RNF44: variants seen among roughly 807,000 people sequenced by gnomAD.
The protein encoded by RNF44 is ring finger protein 44.
A neutral mutation model predicts 53.6 loss-of-function variants in RNF44; 25 were observed. That is an observed-to-expected ratio of 0.47 (90% CI 0.34 to 0.65). The LOEUF is 0.65. RNF44 is among the 30% of genes least tolerant of loss of function. The pLI is 0.01. For synonymous variants in RNF44, 282 were observed against 252.2 expected (o/e 1.12, Z -1.12); for missense variants, 581 against 595.5 (o/e 0.98, Z 0.25).
chr5:176,543,287 C>G, the RNF44 span, among the ~76,000 whole-genome samples: 1 of 146,538 alleles, frequency 6.8e-6, no homozygotes, highest in Non-Finnish European at 1.5e-5. This position sits in a 1 kb window ranked among gnomAD's most constrained non-coding sequence, Gnocchi z 4.0. Context: ...GCTCCACCCC[C>G]ACCCGGCGGC....
intron 8 of RNF44, 26 bp downstream of exon 8, chr5:176,529,705 C>T: frequency 6.2e-7 from 1 of 1,610,622 alleles, no homozygotes; most frequent in Non-Finnish European, 8.5e-7. Flanking sequence ...CCAAACCCCA[C>T]CTCCCAGCAT....
At position 176,531,716 on chromosome 5, in the gene RNF44, A is replaced by G; in HGVS notation, c.298-86T>C. ...CAGGAGAAATCATCCTGCCACATCC[A>G]GCTGCCGGCTCCCTTCCCTTCTCCA... On this transcript the variant is annotated intron_variant, in intron 3 of 10. Coordinates refer to ENST00000274811, the MANE Select transcript of RNF44 (RefSeq NM_014901.5). This position sits in a 1 kb window ranked among gnomAD's most constrained non-coding sequence, Gnocchi z 4.2. The G allele has an allele frequency of 7.3e-7, 1 of 1,369,370 alleles. No homozygotes were observed. Among genetic ancestry groups the G allele is most frequent in the South Asian group, 1.4e-5 (1 of 71,830 alleles). The allele number at this position is 1,369,370 out of a possible 1,614,324, so 84.8% of individuals were successfully genotyped here. A position where few individuals can be genotyped will look rare whatever the true frequency, so the allele number is the denominator to read the frequency against.
chr5:176,531,916 G>A lies in RNF44; in HGVS notation c.297+88C>T. The A allele has an allele frequency of 1.4e-6, 2 of 1,384,782 alleles. No individual in the cohort carries two copies. The highest frequency in any genetic ancestry group is 2.4e-5 in the East Asian group (1 of 42,430). 85.8% of individuals were successfully genotyped at this position (1,384,782 alleles called of 1,614,324 possible). Reference sequence around the variant, plus strand: ...ATGCCTCCCTGGAACGTGAAATGAAGCAAGCTAGGTGAAATCTAGGCCTTG... The same window carrying A: ...ATGCCTCCCTGGAACGTGAAATGAAACAAGCTAGGTGAAATCTAGGCCTTG... On this transcript the variant is annotated intron_variant, in intron 3 of 10. Coordinates refer to ENST00000274811, the MANE Select transcript of RNF44 (RefSeq NM_014901.5). This position sits in a 1 kb window ranked among gnomAD's most constrained non-coding sequence, Gnocchi z 4.2.
At position 176,528,718 on chromosome 5, in the gene RNF44, C is replaced by T. The variant is rs1000654022; in HGVS notation, c.*310G>A. The T allele has an allele frequency of 1.5e-5, 7 of 463,510 alleles. No individual in the cohort carries two copies. The highest frequency in any genetic ancestry group is 2.3e-5 in the Non-Finnish European group (6 of 257,518). The allele number at this position is 463,510 out of a possible 1,614,324, so 28.7% of individuals were successfully genotyped here. A position where few individuals can be genotyped will look rare whatever the true frequency, so the allele number is the denominator to read the frequency against. Reference sequence around the variant, plus strand: ...CCGGCCCCACTGAGGGAGCGGACCCCTGGCACTCAGTGCCAGCAGGAAAAG... The same window carrying T: ...CCGGCCCCACTGAGGGAGCGGACCCTTGGCACTCAGTGCCAGCAGGAAAAG... On this transcript the variant is annotated 3_prime_UTR_variant, in exon 11 of 11. Transcript: ENST00000274811.
chr5:176,532,243 C>A, intron 2 of RNF44, 50 bp from the exon 3 acceptor site: 1 of 1,498,526 alleles, frequency 6.7e-7, no homozygotes. Context: ...GCCACTCGTG[C>A]ACAGAGCAGG....
upstream of RNF44, among the ~76,000 whole-genome samples, chr5:176,538,914 C>T (rs1225768560): frequency 6.6e-6 from 1 of 152,134 alleles, no homozygotes; most frequent in Non-Finnish European, 1.5e-5. Flanking sequence ...GAAGTTGGGT[C>T]AGTAGGATAG....
Position 176,531,972 on chromosome 5 carries a change from G to GC in RNF44, c.297+31dup, listed in dbSNP as rs1166390827. On this transcript the variant is annotated intron_variant, in intron 3 of 10. Coordinates refer to ENST00000274811, the MANE Select transcript of RNF44 (RefSeq NM_014901.5). The surrounding 1 kb of genome is among the most constrained non-coding windows in gnomAD (Gnocchi z 4.2). The stretch of plus-strand genomic sequence containing the variant: ...TCTGCCTCTCAGACTGGCTCACAGG[G>GC]CCAGGGGCACAGGGGATGGGGTTCT... 6.3e-7 allele frequency: 1 copy of GC among 1,578,972 alleles called. No individual in the cohort carries two copies. Among genetic ancestry groups the GC allele is most frequent in the African/African-American group, 1.4e-5 (1 of 73,600 alleles).
chr5:176,536,604 G>A (rs929323573), intron 1 of RNF44, among the ~76,000 whole-genome samples: 2 of 152,212 alleles, frequency 1.3e-5, no homozygotes, highest in African/African-American at 2.4e-5. Flanking sequence ...GCAGCGCAGG[G>A]GCCAGAACGC....
intron 5 of RNF44, 28 bp from the exon 6 acceptor site, chr5:176,530,771 G>T: frequency 6.6e-7 from 1 of 1,508,584 alleles, no homozygotes; most frequent in Non-Finnish European, 8.8e-7. Flanking sequence ...GGGTCAGCAA[G>T]TCAGTGAGAC....
At chr5:176,540,951 G>C (rs952852603), upstream of RNF44, among the ~76,000 whole-genome samples, 25 of 152,202 alleles carry the variant, frequency 1.6e-4, no homozygotes, top group African/African-American at 6.0e-4. Flanking sequence ...CCTCCTCAGG[G>C]TCACTGATGG....
upstream of RNF44, among the ~76,000 whole-genome samples, chr5:176,540,941 C>T (rs554171404): frequency 3.9e-5 from 6 of 152,338 alleles, no homozygotes; most frequent in South Asian, 4.1e-4. Context: ...TCTTCGAATC[C>T]CTCCTCAGGG....
In RNF44 at chr5:176,531,809, C is replaced by A; in HGVS notation, c.298-179G>T. On this transcript the variant is annotated intron_variant, in intron 3 of 10. Coordinates refer to ENST00000274811, the MANE Select transcript of RNF44 (RefSeq NM_014901.5). The surrounding 1 kb of genome is among the most constrained non-coding windows in gnomAD (Gnocchi z 4.2). ...CAGGCCCCCGGGGCAGAGAAAGCCC[C>A]GTGGGAATCTAGCTCTGCTAGTCAC... The A allele has an allele frequency of 1.2e-6, 1 of 864,226 alleles. No individual in the cohort carries two copies. Among genetic ancestry groups the A allele is most frequent in the Non-Finnish European group, 1.7e-6 (1 of 573,226 alleles). The allele number at this position is 864,226 out of a possible 1,614,324, so 53.5% of individuals were successfully genotyped here.
intron 1 of RNF44, among the ~76,000 whole-genome samples, chr5:176,535,549 C>CCA (rs1398789287): frequency 1.4e-4 from 21 of 152,142 alleles, no homozygotes; most frequent in Non-Finnish European, 4.4e-5. Flanking sequence ...TTACTCTAGG[C>CCA]CACAAGACCA....
At position 176,529,754 on chromosome 5, in the gene RNF44, C is replaced by A; in HGVS notation, c.991G>T (p.Asp331Tyr). Residue 331 changes from aspartate to tyrosine, a missense_variant, in exon 8 of 11, where the codon GAT (aspartate) becomes TAT (tyrosine). Coordinates refer to ENST00000274811, the MANE Select transcript of RNF44 (RefSeq NM_014901.5). ...ACCTCATAGTTCTCCATCTCCACAT[C>A]ATCCACGTCCAGGTCCAGGCTGATG... is the stretch of plus-strand genomic sequence containing the variant. ...PTISLDLDVD[D>Y]VEMENYEALL... The A allele has an allele frequency of 6.2e-7, 1 of 1,612,320 alleles. No individual in the cohort carries two copies. Among genetic ancestry groups the A allele is most frequent in the Non-Finnish European group, 8.5e-7 (1 of 1,179,058 alleles).
rs1400516043 is a variant in RNF44, at chr5:176,527,336, T to A, written c.*1692A>T. 1 of 152,538 alleles carries A rather than the reference T, an allele frequency of 6.6e-6. No individual in the cohort carries two copies. Among genetic ancestry groups the A allele is most frequent in the Non-Finnish European group, 1.5e-5 (1 of 68,032 alleles). The allele number at this position is 152,538 out of a possible 1,614,324, so 9.4% of individuals were successfully genotyped here. ...TTTAAATGCTGTGTTTCCCCCCCAA[T>A]AGCTGCTTGTTGGAATCACTGCTGC... On this transcript the variant is annotated 3_prime_UTR_variant, in exon 11 of 11. Transcript: ENST00000274811.
At chr5:176,529,861 G>A in intron 7 of RNF44, 43 bp from the exon 8 acceptor site, 3 of 1,528,036 alleles carry the variant, frequency 2.0e-6, no homozygotes, top group Non-Finnish European at 2.6e-6. Context: ...AAGGTCAGGA[G>A]TGGGGCACAC....
chr5:176,534,331 C>T (rs1311898012), intron 1 of RNF44, among the ~76,000 whole-genome samples: 3 of 152,252 alleles, frequency 2.0e-5, no homozygotes, highest in Admixed American at 6.5e-5. Context: ...TCACTGGGAG[C>T]GAGAGCTTTC....
In RNF44 at chr5:176,527,479, C is replaced by G. The variant is rs1253758701; in HGVS notation, c.*1549G>C. 1 of 152,456 alleles carries G rather than the reference C, an allele frequency of 6.6e-6. No homozygotes were observed. Among genetic ancestry groups the G allele is most frequent in the Non-Finnish European group, 1.5e-5 (1 of 68,028 alleles). 9.4% of individuals were successfully genotyped at this position (152,456 alleles called of 1,614,324 possible). On this transcript the variant is annotated 3_prime_UTR_variant, in exon 11 of 11. Transcript: ENST00000274811. ...GGAGAGGGTGGTTCTGTGTAAAACA[C>G]GTGGGTTTTCAACACTGCTATAAAT...
chr5:176,526,721 A>G lies in RNF44; in HGVS notation c.*2307T>C, dbSNP rs1300153393. The G allele has an allele frequency of 1.3e-5, 2 of 152,558 alleles. No individual in the cohort carries two copies. Among genetic ancestry groups the G allele is most frequent in the Non-Finnish European group, 2.9e-5 (2 of 68,052 alleles). 9.5% of individuals were successfully genotyped at this position (152,558 alleles called of 1,614,324 possible). ...GCAGCGTGGGCGGTCGTTGGTATAC[A>G]TCATACATTTATTAGTGAATATCCC... On this transcript the variant is annotated 3_prime_UTR_variant, in exon 11 of 11. Transcript: ENST00000274811.
Sources: allele counts gnomAD v4.1 joint callset (sites outside exome capture counted in the v4.1 genomes callset), GRCh38; gene constraint gnomAD v4.1.1; non-coding constraint Gnocchi (gnomAD v3.1); transcripts MANE v1.5; gene names NCBI Gene and HGNC (gene_info 2026-07-23, HGNC 2026-07-21).